Variants in ARAP1 observed in about 807,000 individuals in gnomAD.
The protein encoded by ARAP1 is arf-GAP with Rho-GAP domain, ANK repeat and PH domain-containing protein 1.
ARAP1 carries 76 observed loss-of-function variants against 172.2 expected under a neutral mutation model. That is an observed-to-expected ratio of 0.44 (90% CI 0.37 to 0.53). The LOEUF (loss-of-function observed/expected upper bound fraction) is 0.53, where lower values mean the gene tolerates loss of function less well. Among genes scored for constraint, ARAP1 ranks in the 20% least tolerant of loss-of-function variants. The pLI is 0.00. For missense variants in ARAP1, 1,686 were observed against 1,977.5 expected, an observed-to-expected ratio of 0.85 and a Z score of 2.80; for synonymous variants, 804 against 803.3, an observed-to-expected ratio of 1.00 and a Z score of -0.01.
chr11:72,689,042 G>A (rs570015267), intron 30 of ARAP1, among the ~76,000 whole-genome samples: 9 of 152,332 alleles, frequency 5.9e-5, no homozygotes, highest in East Asian at 5.8e-4. Flanking sequence ...TTGACCGTGT[G>A]AACAGAAGGC....
intron 33 of ARAP1, 131 bp from the exon 34 acceptor site, chr11:72,686,322 C>G: frequency 8.1e-7 from 1 of 1,227,782 alleles, no homozygotes; most frequent in Non-Finnish European, 1.1e-6. Flanking sequence ...TGATCCCCGC[C>G]GATATGAGAA....
At chr11:72,752,128 C>A (rs936775763) in intron 1 of ARAP1, among the ~76,000 whole-genome samples, 200 bp downstream of exon 1, 2 of 152,230 alleles carry the variant, frequency 1.3e-5, no homozygotes, top group African/African-American at 4.8e-5. Context: ...TGGTTCACCC[C>A]CCTTCCCTAC....
intron 34 of ARAP1, 112 bp downstream of exon 34, chr11:72,685,930 G>C (rs1454046810): frequency 6.3e-7 from 1 of 1,584,684 alleles, no homozygotes; most frequent in Admixed American, 1.7e-5. Context: ...GGAGGGAGGG[G>C]GCCGGAGGGC....
intron 1 of ARAP1, among the ~76,000 whole-genome samples, chr11:72,745,271 C>T (rs1858324487): frequency 6.8e-6 from 1 of 146,478 alleles, no homozygotes; most frequent in South Asian, 2.1e-4. Context: ...TCACTGCAAG[C>T]TCCGCCTCAC....
intron 3 of ARAP1, among the ~76,000 whole-genome samples, chr11:72,717,615 C>T (rs1352794215): frequency 6.6e-6 from 1 of 152,196 alleles, no homozygotes; most frequent in African/African-American, 2.4e-5. Context: ...TCCACACCCT[C>T]CTTCCTCATT....
chr11:72,727,618 C>A (rs113042705), intron 2 of ARAP1, among the ~76,000 whole-genome samples: 2 of 152,174 alleles, frequency 1.3e-5, no homozygotes, highest in South Asian at 2.1e-4. Flanking sequence ...AAGGGCTTAG[C>A]GAGCATTGAA....
At chr11:72,690,651 A>T (rs1855897476) in intron 30 of ARAP1, among the ~76,000 whole-genome samples, 1 of 152,172 alleles carries the variant, frequency 6.6e-6, no homozygotes, top group Non-Finnish European at 1.5e-5. Context: ...AAGTGCTGGG[A>T]TTACAGGCAT....
At chr11:72,707,565 G>C (rs1856827153) in intron 11 of ARAP1, among the ~76,000 whole-genome samples, 191 bp from the exon 12 acceptor site, 2 of 152,196 alleles carry the variant, frequency 1.3e-5, no homozygotes, top group Admixed American at 1.3e-4. Flanking sequence ...GAGCGTATGG[G>C]GGCAGGGGAG....
chr11:72,727,869 C>G (rs1857745068), intron 2 of ARAP1, among the ~76,000 whole-genome samples: 1 of 152,200 alleles, frequency 6.6e-6, no homozygotes, highest in Non-Finnish European at 1.5e-5. Context: ...TACCCCTGCA[C>G]CCTGTAATCA....
intron 1 of ARAP1, among the ~76,000 whole-genome samples, chr11:72,745,013 G>A (rs1255870480): frequency 2.0e-5 from 3 of 152,118 alleles, no homozygotes; most frequent in Admixed American, 6.5e-5. Context: ...CACCAAGCAC[G>A]GGAGCCGCTA....
chr11:72,703,245 G>T, intron 14 of ARAP1, 166 bp from the exon 15 acceptor site: 1 of 752,366 alleles, frequency 1.3e-6, no homozygotes, highest in Non-Finnish European at 2.0e-6. Flanking sequence ...GAAGGAGAGG[G>T]AAGAGAGAGG....
chr11:72,714,042 T>A, intron 4 of ARAP1, 110 bp downstream of exon 4: 1 of 1,227,886 alleles, frequency 8.1e-7, no homozygotes, highest in African/African-American at 1.6e-5. Flanking sequence ...AGTGGGCTGG[T>A]GGCAGGCTTG....
chr11:72,716,622 A>T (rs1304251691), intron 3 of ARAP1, among the ~76,000 whole-genome samples: 2 of 152,254 alleles, frequency 1.3e-5, no homozygotes, highest in Admixed American at 1.3e-4. Context: ...TTGAAGCCAC[A>T]CCTGTGGGGA....
chr11:72,687,827 G>C, intron 31 of ARAP1, 89 bp from the exon 32 acceptor site: 1 of 1,391,610 alleles, frequency 7.2e-7, no homozygotes, highest in Non-Finnish European at 1.0e-6. Context: ...AGAAGCCACA[G>C]CCAGAGCCAG....
intron 4 of ARAP1, 68 bp downstream of exon 4, chr11:72,714,084 C>G: frequency 7.3e-7 from 1 of 1,377,248 alleles, no homozygotes; most frequent in South Asian, 1.7e-5. Flanking sequence ...TGCATACCTT[C>G]CAGAGGCCTG....
chr11:72,719,439 A>T (rs1371130716), intron 3 of ARAP1, among the ~76,000 whole-genome samples: 3 of 152,196 alleles, frequency 2.0e-5, no homozygotes, highest in Non-Finnish European at 4.4e-5. Context: ...CCTGGGCTTG[A>T]ACTCAGCTCA....
chr11:72,702,761 A>G (rs527790222), intron 15 of ARAP1, 144 bp downstream of exon 15: 3 of 1,039,130 alleles, frequency 2.9e-6, no homozygotes, highest in South Asian at 3.3e-5. Flanking sequence ...ACACACTGAC[A>G]TGCAAACCCA....
chr11:72,702,640 A>G (rs1856540342), intron 15 of ARAP1, among the ~76,000 whole-genome samples: 1 of 152,256 alleles, frequency 6.6e-6, no homozygotes, highest in Non-Finnish European at 1.5e-5. Context: ...AGAGGCGCAC[A>G]AACACCAGCA....
At position 72,695,236 on chromosome 11, in the gene ARAP1, G is replaced by A; in HGVS notation, c.3577-139C>T. 7.5e-7 allele frequency: 1 copy of A among 1,326,114 alleles called. No homozygotes were observed. The highest frequency in any genetic ancestry group is 1.1e-6 in the Non-Finnish European group (1 of 941,756). The allele number at this position is 1,326,114 out of a possible 1,614,324, so 82.1% of individuals were successfully genotyped here. A position where few individuals can be genotyped will look rare whatever the true frequency, so the allele number is the denominator to read the frequency against. ...GGGATAGAGAGGGGTATTTCTGAGT[G>A]GTCCTTAGGAGCAGACCCCAGCACC... On this transcript the variant is annotated intron_variant, in intron 26 of 34. Transcript: ENST00000393609. This position sits in a 1 kb window ranked among gnomAD's most constrained non-coding sequence, Gnocchi z 4.4.
Sources: gnomAD v4.1 joint callset for allele counts (sites outside exome capture counted in the v4.1 genomes callset) on GRCh38, gnomAD v4.1.1 for gene constraint, Gnocchi (gnomAD v3.1) non-coding constraint, MANE v1.5 for transcripts, NCBI Gene and HGNC (gene_info 2026-07-23, HGNC 2026-07-21) for gene names.